Variants in CSMD3 observed in about 807,000 individuals in gnomAD.
The protein encoded by CSMD3 is CUB and Sushi multiple domains 3.
In CSMD3, 177 loss-of-function variants were observed where a neutral mutation model predicts 435.2. The observed-to-expected ratio is 0.41, with a 90% CI of 0.36 to 0.46. The LOEUF is 0.46. Among genes scored for constraint, CSMD3 ranks in the 20% least tolerant of loss-of-function variants. The pLI is 0.34. For missense variants in CSMD3, 4,265 were observed against 4,504.6 expected (o/e 0.95, Z 1.52); for synonymous variants, 1,656 against 1,520.5 (o/e 1.09, Z -2.07).
chr8:112,237,985 A>G (rs114545023), intron 66 of CSMD3, among the ~76,000 whole-genome samples: 42 of 152,298 alleles, frequency 2.8e-4, no homozygotes, highest in African/African-American at 9.4e-4. Flanking sequence ...TGGTAGAATC[A>G]AAGAACATTC....
At chr8:112,785,713 A>T (rs529898390) in intron 13 of CSMD3, among the ~76,000 whole-genome samples, 1 of 152,178 alleles carries the variant, frequency 6.6e-6, no homozygotes, top group African/African-American at 2.4e-5. Context: ...AATACCTAGG[A>T]ATAAATTTAA....
rs2129754741 is a variant in CSMD3 at position 112,224,714 on chromosome 8, T to A, written c.*57A>T. 6.4e-7 allele frequency: 1 copy of A among 1,555,052 alleles called. No individual in the cohort carries two copies. Among genetic ancestry groups the A allele is most frequent in the East Asian group, 2.2e-5 (1 of 44,634 alleles). ...TTAATTTGTTTAGCAGTGAACTAAA[T>A]GTGCACTGTTTTGTGTGTCGATTTC... is the stretch of plus-strand genomic sequence containing the variant. On this transcript the variant is annotated 3_prime_UTR_variant, in exon 71 of 71. Transcript: ENST00000297405.
chr8:112,836,484 G>A (rs1392127357), intron 11 of CSMD3, among the ~76,000 whole-genome samples: 2 of 151,718 alleles, frequency 1.3e-5, no homozygotes, highest in East Asian at 1.9e-4. Context: ...CCAGTGATTC[G>A]ATTACACGTA....
At chr8:112,942,513 T>G (rs1045310929) in intron 9 of CSMD3, among the ~76,000 whole-genome samples, 3 of 151,736 alleles carry the variant, frequency 2.0e-5, no homozygotes, top group African/African-American at 7.3e-5. Context: ...ACATATATAC[T>G]GCGAAATACT....
chr8:112,914,505 G>A, intron 10 of CSMD3, among the ~76,000 whole-genome samples: 1 of 151,540 alleles, frequency 6.6e-6, no homozygotes, highest in East Asian at 2.0e-4. Context: ...GTAAGACAAA[G>A]TAAGCAGAAG....
chr8:112,675,158 T>C (rs1465648390), intron 16 of CSMD3, among the ~76,000 whole-genome samples: 1 of 152,098 alleles, frequency 6.6e-6, no homozygotes, highest in African/African-American at 2.4e-5. Flanking sequence ...AGCAGGAAAA[T>C]TTAGTTCTCC....
intron 1 of CSMD3, among the ~76,000 whole-genome samples, chr8:113,329,200 A>C (rs974451799): frequency 8.4e-5 from 2 of 23,724 alleles, no homozygotes; most frequent in African/African-American, 2.7e-4. Context: ...ATGTTTAAAG[A>C]ATGAAAATAA....
At chr8:112,732,197 G>A (rs2077089376) in intron 13 of CSMD3, among the ~76,000 whole-genome samples, 1 of 152,044 alleles carries the variant, frequency 6.6e-6, no homozygotes. Flanking sequence ...AGAGAAACAA[G>A]AGAGGATTCA....
intron 5 of CSMD3, among the ~76,000 whole-genome samples, chr8:113,023,768 T>A (rs932682942): frequency 3.3e-5 from 5 of 152,118 alleles, no homozygotes; most frequent in African/African-American, 1.2e-4. Context: ...CATGTTCTCA[T>A]CATATCTTAA....
At chr8:113,353,870 A>G (rs187214203) in intron 1 of CSMD3, among the ~76,000 whole-genome samples, 47 of 152,140 alleles carry the variant, frequency 3.1e-4, no homozygotes, top group African/African-American at 1.0e-3. Context: ...GAATTACTTC[A>G]TTTCTTAAAA....
At chr8:112,754,120 G>C (rs1231455169) in intron 13 of CSMD3, among the ~76,000 whole-genome samples, 1 of 152,126 alleles carries the variant, frequency 6.6e-6, no homozygotes, top group East Asian at 1.9e-4. Context: ...ATACATCCTG[G>C]TATTCTGCAG....
chr8:112,424,003 T>A lies in CSMD3; in HGVS notation c.5396-14971A>T, dbSNP rs112520421. 7.0e-3 allele frequency among the ~76,000 whole-genome samples: 1,067 copies of A among 152,340 alleles called. 15 individuals carry two copies. Among genetic ancestry groups the A allele is most frequent in the African/African-American group, 0.025 (1,023 of 41,570 alleles). ...ACATTTTAACAAAGTTTCATACTTA[T>A]ACACGCAAATTTTATTCATAGAATT... On this transcript the variant is annotated intron_variant, in intron 32 of 70. Transcript: ENST00000297405.
chr8:113,139,797 G>T (rs2091503747), intron 4 of CSMD3, among the ~76,000 whole-genome samples: 1 of 151,050 alleles, frequency 6.6e-6, no homozygotes, highest in Non-Finnish European at 1.5e-5. Context: ...TCAACCATTT[G>T]CTACCTATAA....
At chr8:112,591,285 T>G (rs1831170475) in intron 22 of CSMD3, among the ~76,000 whole-genome samples, 1 of 152,092 alleles carries the variant, frequency 6.6e-6, no homozygotes, top group African/African-American at 2.4e-5. Flanking sequence ...TAAATGTGGC[T>G]TTAGTTGGAT....
chr8:112,658,567 T>C (rs2075308031), intron 17 of CSMD3, among the ~76,000 whole-genome samples: 1 of 152,174 alleles, frequency 6.6e-6, no homozygotes, highest in Non-Finnish European at 1.5e-5. Context: ...ACCTGGAATA[T>C]ACTGTATGTG....
Position 112,276,343 on chromosome 8 carries a change from C to T in CSMD3, c.9508+4831G>A, listed in dbSNP as rs566846994. Among the ~76,000 whole-genome samples, 163 of 152,302 alleles carry T rather than the reference C, an allele frequency of 1.1e-3. 1 individual carries two copies. Among genetic ancestry groups the T allele is most frequent in the Middle Eastern group, 6.8e-3 (2 of 294 alleles). On this transcript the variant is annotated intron_variant, in intron 59 of 70. Coordinates refer to ENST00000297405, the MANE Select transcript of CSMD3 (RefSeq NM_198123.2). ...TGAGTAACTGTGACTTTTCCAGGCA[C>T]ATGTTACAAGTTGTCGATGTATCTC...
chr8:112,986,280 G>A (rs1392541834), intron 6 of CSMD3, among the ~76,000 whole-genome samples: 4 of 152,002 alleles, frequency 2.6e-5, no homozygotes, highest in African/African-American at 9.7e-5. Flanking sequence ...ATATTATCTG[G>A]AAACTCTACC....
At chr8:112,241,814 A>G (rs1237240804) in intron 65 of CSMD3, 29 bp from the exon 66 acceptor site, 2 of 1,456,562 alleles carry the variant, frequency 1.4e-6, no homozygotes, top group Non-Finnish European at 1.9e-6. Context: ...GTGTTTACAA[A>G]AGTTGATGCA....
chr8:112,486,884 A>G (rs757291056), intron 31 of CSMD3, among the ~76,000 whole-genome samples: 12 of 152,144 alleles, frequency 7.9e-5, no homozygotes, highest in Non-Finnish European at 1.2e-4. Flanking sequence ...GTTATCCCCA[A>G]TTTTAAATGC....
Sources: gnomAD v4.1 joint callset for allele counts (sites outside exome capture counted in the v4.1 genomes callset) on GRCh38, gnomAD v4.1.1 for gene constraint, MANE v1.5 for transcripts, NCBI Gene and HGNC (gene_info 2026-07-23, HGNC 2026-07-21) for gene names.